Variants in DZIP3 observed in about 807,000 individuals in gnomAD.
DZIP3 encodes E3 ubiquitin-protein ligase DZIP3.
Under a neutral mutation model 162.0 loss-of-function variants are expected in DZIP3, and 118 were observed. The ratio of observed to expected loss-of-function variants is 0.73; its 90% CI spans 0.63 to 0.85. The LOEUF is 0.85. Among genes scored for constraint, DZIP3 ranks in the 40% least tolerant of loss-of-function variants. The pLI is 0.00. For synonymous variants in DZIP3, 438 were observed against 458.6 expected (o/e 0.96, Z 0.57); for missense variants, 1,331 against 1,407.0 (o/e 0.95, Z 0.86).
chr3:108,663,569 A>G (rs1559769371), intron 21 of DZIP3, among the ~76,000 whole-genome samples: 2 of 151,882 alleles, frequency 1.3e-5, no homozygotes, highest in Non-Finnish European at 2.9e-5. Flanking sequence ...AAAAAAAAAA[A>G]AAAGAAACTG....
At chr3:108,663,743 C>T (rs1362100642) in intron 21 of DZIP3, among the ~76,000 whole-genome samples, 1 of 152,206 alleles carries the variant, frequency 6.6e-6, no homozygotes, top group East Asian at 1.9e-4. Flanking sequence ...CTGACCCATG[C>T]ACTCTTACAT....
At chr3:108,631,055 A>ACACACACACACACACACAGACACT in intron 8 of DZIP3, among the ~76,000 whole-genome samples, 2 of 18,014 alleles carry the variant, frequency 1.1e-4, no homozygotes, top group Admixed American at 8.5e-4. Context: ...ACACACACAC[A>ACACACACACACACACACAGACACT]CTCTCTCTCT....
At chr3:108,660,552 C>T (rs1361609996) in intron 19 of DZIP3, among the ~76,000 whole-genome samples, 1 of 152,050 alleles carries the variant, frequency 6.6e-6, no homozygotes, top group Non-Finnish European at 1.5e-5. Context: ...AAAACCTAGG[C>T]AATACCATTC....
intron 22 of DZIP3, 53 bp downstream of exon 22, chr3:108,669,802 T>G: frequency 7.2e-7 from 1 of 1,390,938 alleles, no homozygotes; most frequent in East Asian, 2.3e-5. Flanking sequence ...TGTATTTCAC[T>G]CAACACTTTC....
intron 18 of DZIP3, among the ~76,000 whole-genome samples, chr3:108,652,059 T>C (rs568489148): frequency 6.7e-6 from 1 of 149,450 alleles, no homozygotes; most frequent in South Asian, 2.2e-4. Flanking sequence ...TTTTGTTTTG[T>C]TTTTAGGCTG....
At chr3:108,683,972 C>T (rs184479242) in intron 26 of DZIP3, among the ~76,000 whole-genome samples, 26 of 152,240 alleles carry the variant, frequency 1.7e-4, no homozygotes, top group Non-Finnish European at 1.3e-4. Flanking sequence ...AGAAATGTGA[C>T]TAGAAGCTAT....
intron 5 of DZIP3, among the ~76,000 whole-genome samples, chr3:108,621,032 A>G (rs1233924906): frequency 6.6e-6 from 1 of 152,132 alleles, no homozygotes; most frequent in Non-Finnish European, 1.5e-5. Context: ...CATGTTGGCC[A>G]GGATGGTCTC....
chr3:108,684,477 CT>C, intron 27 of DZIP3, 136 bp downstream of exon 27: 1 of 1,131,010 alleles, frequency 8.8e-7, no homozygotes, highest in South Asian at 1.6e-5. Context: ...TGAATGAATA[CT>C]TCCTGTGAAG....
At chr3:108,690,942 A>G in intron 32 of DZIP3, 39 bp downstream of exon 32, 1 of 1,550,838 alleles carries the variant, frequency 6.4e-7, no homozygotes, top group African/African-American at 1.4e-5. Flanking sequence ...GTTTTCTTTT[A>G]TTATGAGCTG....
intron 31 of DZIP3, among the ~76,000 whole-genome samples, chr3:108,690,234 C>T (rs1037669539): frequency 3.9e-5 from 6 of 152,160 alleles, no homozygotes; most frequent in Middle Eastern, 3.2e-3. Flanking sequence ...CCTGGCCCTC[C>T]ATTATTTATA....
intron 19 of DZIP3, among the ~76,000 whole-genome samples, chr3:108,656,321 A>G (rs1943118926): frequency 6.6e-6 from 1 of 152,202 alleles, no homozygotes; most frequent in Non-Finnish European, 1.5e-5. Flanking sequence ...TCAGGCAGCA[A>G]CATTTGCTGT....
intron 1 of DZIP3, chr3:108,590,115 TTCTC>T (rs1576327696): frequency 6.6e-6 from 1 of 152,206 alleles, no homozygotes; most frequent in South Asian, 2.1e-4. Flanking sequence ...AGGTGTCTGT[TTCTC>T]TCTGGCATGA....
chr3:108,632,834 G>T (rs1265231556), intron 8 of DZIP3, 119 bp from the exon 9 acceptor site: 2 of 468,786 alleles, frequency 4.3e-6, no homozygotes, highest in Non-Finnish European at 7.0e-6. Flanking sequence ...ATATATACAA[G>T]TACTTCGAAA....
At chr3:108,678,676 A>G (rs569100055) in intron 26 of DZIP3, among the ~76,000 whole-genome samples, 1 of 152,108 alleles carries the variant, frequency 6.6e-6, no homozygotes, top group Admixed American at 6.6e-5. Context: ...ACAGCTTTCC[A>G]AAAGACCTTT....
rs745794099 is a variant in DZIP3 at position 108,690,820 on chromosome 3, T to C, written c.3550T>C (p.Cys1184Arg). 3 of 1,614,102 alleles carry C rather than the reference T, an allele frequency of 1.9e-6. No individual in the cohort carries two copies. Among genetic ancestry groups the C allele is most frequent in the African/African-American group, 2.7e-5 (2 of 75,050 alleles). Residue 1184 changes from cysteine to arginine, a missense_variant, in exon 32 of 33, where the codon TGT becomes CGT. Coordinates refer to ENST00000361582, the MANE Select transcript of DZIP3 (RefSeq NM_014648.4). ...ACCATGGTTGATGCAACAGGGGACA[T>C]GTCCAACGTGCAGACTCCACGTTTT... ...IRPWLMQQGT[C>R]PTCRLHVLLP...
intron 1 of DZIP3, among the ~76,000 whole-genome samples, chr3:108,595,395 T>G (rs1939662290): frequency 6.6e-6 from 1 of 152,152 alleles, no homozygotes; most frequent in African/African-American, 2.4e-5. Context: ...TTTTTAAATT[T>G]TTTTTAGAGA....
chr3:108,595,331 A>G (rs889010383), intron 1 of DZIP3, among the ~76,000 whole-genome samples: 1 of 151,998 alleles, frequency 6.6e-6, no homozygotes, highest in Non-Finnish European at 1.5e-5. Context: ...TAATCCTCCC[A>G]CTTTAGCCTC....
intron 12 of DZIP3, among the ~76,000 whole-genome samples, chr3:108,640,002 T>C (rs1412825280): frequency 6.6e-6 from 1 of 152,038 alleles, no homozygotes; most frequent in Non-Finnish European, 1.5e-5. Context: ...TCTAGTTTTG[T>C]GTGTGTGTGT....
In DZIP3 at chr3:108,676,029, G is replaced by C. The variant is rs759422007; in HGVS notation, c.2781+156G>C. Reference sequence around the variant, plus strand: ...CTTTGAGATTACTTCCATGTGGTTGGTTGTAGATAACATCCTAGACTCACA... The same window carrying C: ...CTTTGAGATTACTTCCATGTGGTTGCTTGTAGATAACATCCTAGACTCACA... On this transcript the variant is annotated intron_variant, in intron 25 of 32. Transcript: ENST00000361582. 1.3e-5 allele frequency among the ~76,000 whole-genome samples: 2 copies of C among 152,040 alleles called. 1 individual carries two copies. The highest frequency in any genetic ancestry group is 1.3e-4 in the Admixed American group (2 of 15,238).
Sources: allele counts gnomAD v4.1 joint callset (sites outside exome capture counted in the v4.1 genomes callset), GRCh38; gene constraint gnomAD v4.1.1; transcripts MANE v1.5; gene names NCBI Gene and HGNC (gene_info 2026-07-23, HGNC 2026-07-21).